Variants in GSDME observed in about 807,000 individuals in gnomAD.
GSDME encodes gasdermin-E.
GSDME carries 44 observed loss-of-function variants against 47.5 expected under a neutral mutation model. The ratio of observed to expected loss-of-function variants is 0.93; its 90% confidence interval spans 0.73 to 1.19. The LOEUF is 1.19. GSDME is among the 50% of genes most tolerant of loss of function. The pLI, the probability that GSDME is intolerant of heterozygous loss-of-function variation, is 0.00. For missense variants in GSDME, 663 were observed against 604.2 expected, an observed-to-expected ratio of 1.10 and a Z score of -1.02; for synonymous variants, 258 against 252.8, an observed-to-expected ratio of 1.02 and a Z score of -0.20.
At chr7:24,743,543 C>G (rs559431814) in intron 3 of GSDME, among the ~76,000 whole-genome samples, 1 of 152,214 alleles carries the variant, frequency 6.6e-6, no homozygotes, top group Non-Finnish European at 1.5e-5. Flanking sequence ...CATCAGATTA[C>G]GCCCCTTCCC....
rs2237324 is a variant in GSDME at position 24,742,173 on chromosome 7, A to G, written c.404+2389T>C. Among the ~76,000 whole-genome samples, 56,971 of 151,968 alleles carry G rather than the reference A, an allele frequency of 0.37. 13,257 individuals carry two copies. The highest frequency in any genetic ancestry group is 0.75 in the East Asian group (3,871 of 5,164). ...TTTCTATTCCATGATTCACCCACCA[A>G]GTATCCTCCCTAGGGACGCGGGTTC... is the stretch of plus-strand genomic sequence containing the variant. On this transcript the variant is annotated intron_variant, in intron 3 of 9. Coordinates refer to ENST00000645220, the MANE Select transcript of GSDME (RefSeq NM_001127453.2). The surrounding 1 kb of genome is among the most constrained non-coding windows in gnomAD (Gnocchi z 4.4).
At chr7:24,713,501 ATGGT>A (rs1355641143) in intron 5 of GSDME, among the ~76,000 whole-genome samples, 3 of 152,104 alleles carry the variant, frequency 2.0e-5, no homozygotes, top group Non-Finnish European at 4.4e-5. Context: ...AAGCCATCTG[ATGGT>A]TGGGCAGGAG....
rs747382443 is a variant in GSDME at position 24,703,012 on chromosome 7, A to AG, written c.1184-180dup. 2.2e-4 allele frequency: 126 copies of AG among 574,314 alleles called. 1 individual carries two copies. The highest frequency in any genetic ancestry group is 3.0e-4 in the Non-Finnish European group (93 of 307,512). The allele number at this position is 574,314 out of a possible 1,614,324, so 35.6% of individuals were successfully genotyped here. ...GCTAAATGGGCAGCAAAGACCTTGT[A>AG]GAAAACAGATGTAGGAACCCAGCTG... On this transcript the variant is annotated intron_variant, in intron 8 of 9. Transcript: ENST00000645220.
intron 3 of GSDME, among the ~76,000 whole-genome samples, chr7:24,741,285 G>A (rs536117656): frequency 2.0e-5 from 3 of 151,964 alleles, no homozygotes; most frequent in East Asian, 1.9e-4. Flanking sequence ...AATGAAAAGC[G>A]TATTACAGAA....
Position 24,705,974 on chromosome 7 carries a change from G to C in GSDME, c.1183+210C>G. The C allele has an allele frequency of 4.6e-6, 3 of 655,156 alleles. No individual in the cohort carries two copies. Among genetic ancestry groups the C allele is most frequent in the Non-Finnish European group, 8.1e-6 (3 of 369,642 alleles). 40.6% of individuals were successfully genotyped at this position (655,156 alleles called of 1,614,324 possible). On this transcript the variant is annotated intron_variant, in intron 8 of 9. Transcript: ENST00000645220. This position sits in a 1 kb window ranked among gnomAD's most constrained non-coding sequence, Gnocchi z 4.1. Reference sequence around the variant, plus strand: ...GAAGGGCCCTCCGGGAGAGTAGGGAGGCTTGTGCTGGATGGAAAGGCACAG... The same window carrying C: ...GAAGGGCCCTCCGGGAGAGTAGGGACGCTTGTGCTGGATGGAAAGGCACAG...
chr7:24,700,588 T>C (rs1278887325), intron 9 of GSDME, among the ~76,000 whole-genome samples: 1 of 152,222 alleles, frequency 6.6e-6, no homozygotes, highest in Non-Finnish European at 1.5e-5. Context: ...CCAGGTAGAC[T>C]GAAGGGTAGC....
rs34712480 is a variant in GSDME at position 24,754,485 on chromosome 7, CAAA to C, written c.-20+2908_-20+2910del. Among the ~76,000 whole-genome samples the C allele has an allele frequency of 0.016, 2,072 of 131,594 alleles. 56 individuals are homozygous for C. Among genetic ancestry groups the C allele is most frequent in the African/African-American group, 0.05 (1,926 of 38,464 alleles). The allele number at this position is 131,594 out of a possible 152,430, so 86.3% of individuals were successfully genotyped here. A position where few individuals can be genotyped will look rare whatever the true frequency, so the allele number is the denominator to read the frequency against. On this transcript the variant is annotated intron_variant, in intron 1 of 9. Transcript: ENST00000645220. This position sits in a 1 kb window ranked among gnomAD's most constrained non-coding sequence, Gnocchi z 5.0. ...GGGCAACAAGAGCGAAACTTTGTCT[CAAA>C]AAAAAAAAAAAAAAGTTGTATTAGC...
rs1789977471 is a variant in GSDME, at chr7:24,726,684, A to G, written c.405-7466T>C. On this transcript the variant is annotated intron_variant, in intron 3 of 9. Transcript: ENST00000645220. This position sits in a 1 kb window ranked among gnomAD's most constrained non-coding sequence, Gnocchi z 5.6. Reference sequence around the variant, plus strand: ...TAAAAATACAAAAAATCAGCCCGGCATAGTCCTGGCTACTCGGGAGGCTGA... The same window carrying G: ...TAAAAATACAAAAAATCAGCCCGGCGTAGTCCTGGCTACTCGGGAGGCTGA... Among the ~76,000 whole-genome samples, 3 of 152,016 alleles carry G rather than the reference A, an allele frequency of 2.0e-5. No individual in the cohort carries two copies. Among genetic ancestry groups the G allele is most frequent in the Admixed American group, 6.6e-5 (1 of 15,254 alleles).
At chr7:24,723,554 T>C (rs1789867163) in intron 3 of GSDME, among the ~76,000 whole-genome samples, 1 of 152,186 alleles carries the variant, frequency 6.6e-6, no homozygotes, top group African/African-American at 2.4e-5. Flanking sequence ...CTTCAACTGC[T>C]AATAGAGTTC....
rs555426339 is a variant in GSDME at position 24,705,998 on chromosome 7, A to G, written c.1183+186T>C. Reference sequence around the variant, plus strand: ...AGGCTTGTGCTGGATGGAAAGGCACAGACTCGAGACCGAAGGGGGGTTTCC... The same window carrying G: ...AGGCTTGTGCTGGATGGAAAGGCACGGACTCGAGACCGAAGGGGGGTTTCC... On this transcript the variant is annotated intron_variant, in intron 8 of 9. Transcript: ENST00000645220. The surrounding 1 kb of genome is among the most constrained non-coding windows in gnomAD (Gnocchi z 4.1). 41,849 of 722,216 alleles carry G rather than the reference A, an allele frequency of 0.058. 1,530 individuals carry two copies. Among genetic ancestry groups the G allele is most frequent in the African/African-American group, 0.12 (6,982 of 57,682 alleles). The allele number at this position is 722,216 out of a possible 1,614,324, so 44.7% of individuals were successfully genotyped here. A position where few individuals can be genotyped will look rare whatever the true frequency, so the allele number is the denominator to read the frequency against.
At chr7:24,719,328 G>T in intron 3 of GSDME, 110 bp from the exon 4 acceptor site, 1 of 1,201,498 alleles carries the variant, frequency 8.3e-7, no homozygotes, top group Non-Finnish European at 1.2e-6. Context: ...TGACAGCCAG[G>T]CTTTGTTGAT....
chr7:24,787,565 A>G, the GSDME span, among the ~76,000 whole-genome samples: 1 of 152,158 alleles, frequency 6.6e-6, no homozygotes, highest in African/African-American at 2.4e-5. This position sits in a 1 kb window ranked among gnomAD's most constrained non-coding sequence, Gnocchi z 5.0. Flanking sequence ...ATGTCGATAT[A>G]CCTTTTCTAG....
At chr7:24,751,500 A>G (rs1790858592) in intron 1 of GSDME, among the ~76,000 whole-genome samples, 3 of 152,200 alleles carry the variant, frequency 2.0e-5, no homozygotes. Flanking sequence ...CATTTGTCTT[A>G]TCGATCACTG....
the GSDME span, among the ~76,000 whole-genome samples, chr7:24,789,022 G>A: frequency 4.8e-4 from 73 of 152,194 alleles, 1 homozygote; most frequent in South Asian, 0.015. Context: ...ATTGCTTTTG[G>A]ATGTCTCTTT....
intron 3 of GSDME, among the ~76,000 whole-genome samples, chr7:24,741,956 A>G (rs1199732861): frequency 6.6e-6 from 1 of 152,064 alleles, no homozygotes; most frequent in Non-Finnish European, 1.5e-5. Context: ...ATTCTGTGAT[A>G]AAACTCCTCT....
chr7:24,776,252 G>A, the GSDME span, among the ~76,000 whole-genome samples: 1 of 151,622 alleles, frequency 6.6e-6, no homozygotes, highest in Non-Finnish European at 1.5e-5. Context: ...TGGGGTCCAG[G>A]CCACAGTGGA....
the GSDME span, among the ~76,000 whole-genome samples, chr7:24,773,169 T>A: frequency 6.6e-6 from 1 of 152,218 alleles, no homozygotes; most frequent in Non-Finnish European, 1.5e-5. This position sits in a 1 kb window ranked among gnomAD's most constrained non-coding sequence, Gnocchi z 5.4. Flanking sequence ...ATAAAAAAAA[T>A]GTTTTTCCAT....
At chr7:24,775,555 C>T in the GSDME span, among the ~76,000 whole-genome samples, 1 of 152,118 alleles carries the variant, frequency 6.6e-6, no homozygotes, top group Non-Finnish European at 1.5e-5. Flanking sequence ...TACCTGCCTG[C>T]CCCAAGCAGC....
In GSDME at chr7:24,698,693, A is replaced by C. The variant is rs534617327; in HGVS notation, c.*333T>G. On this transcript the variant is annotated 3_prime_UTR_variant, in exon 10 of 10. Transcript: ENST00000645220. ...TAAAGGGTCAGACTCTTTCTATGTA[A>C]CAAAAAGTGGAATGCAAGTGACAGA... 33 of 368,752 alleles carry C rather than the reference A, an allele frequency of 8.9e-5. 1 individual carries two copies. The highest frequency in any genetic ancestry group is 7.9e-4 in the South Asian group (33 of 41,518). The allele number at this position is 368,752 out of a possible 1,614,324, so 22.8% of individuals were successfully genotyped here.
Sources: allele counts gnomAD v4.1 joint callset (sites outside exome capture counted in the v4.1 genomes callset), GRCh38; gene constraint gnomAD v4.1.1; non-coding constraint Gnocchi (gnomAD v3.1); transcripts MANE v1.5; gene names NCBI Gene and HGNC (gene_info 2026-07-23, HGNC 2026-07-21).